The following RHBDF2 variants were observed in gnomAD, a reference collection of about 807,000 sequenced individuals.
RHBDF2 encodes rhomboid 5 homolog 2, also known as inactive rhomboid protein 2.
RHBDF2 carries 38 observed loss-of-function variants against 95.2 expected under a neutral mutation model. That is an observed-to-expected ratio of 0.40 (90% CI 0.31 to 0.52). The LOEUF (loss-of-function observed/expected upper bound fraction) is 0.52, where lower values mean the gene tolerates loss of function less well. Ranked by LOEUF, RHBDF2 falls within the 20% of genes least tolerant of loss-of-function variation. RHBDF2 has a pLI of 0.56. For synonymous variants in RHBDF2, 442 were observed against 462.0 expected (o/e 0.96, Z 0.55); for missense variants, 863 against 1,137.7 (o/e 0.76, Z 3.47).
rs751079223 is a variant in RHBDF2 at position 76,471,665 on chromosome 17, C to T, written c.2452G>A (p.Glu818Lys). ...AGCACCTGGTCCAGCTCATACTTCT[C>T]GCAGAAGCGGCTGGTGAAGGGGAAG... The part of the protein sequence containing the change: ...TCFPFTSRFC[E>K]KYELDQVLH The change falls in exon 19 of 19, where the codon GAG (glutamate) becomes AAG (lysine). Residue 818 changes from glutamate to lysine, a missense_variant. This residue lies in a region of RHBDF2 where 252 missense variants were observed against 412.2 expected (regional missense o/e 0.61). Coordinates refer to ENST00000675367, the MANE Select transcript of RHBDF2 (RefSeq NM_001005498.4). 7.5e-6 allele frequency: 12 copies of T among 1,608,510 alleles called. No homozygotes were observed. Among genetic ancestry groups the T allele is most frequent in the East Asian group, 6.7e-5 (3 of 44,720 alleles).
intron 2 of RHBDF2, among the ~76,000 whole-genome samples, chr17:76,485,943 G>T (rs905591793): frequency 6.6e-6 from 1 of 152,088 alleles, no homozygotes; most frequent in Admixed American, 6.6e-5. Flanking sequence ...GCAGGGTAGT[G>T]GTTCTTAGGA....
intron 18 of RHBDF2, 88 bp from the exon 19 acceptor site, chr17:76,472,140 T>A (rs1393364432): frequency 4.5e-6 from 6 of 1,330,388 alleles, no homozygotes; most frequent in Non-Finnish European, 6.0e-6. Context: ...ATCGATCAGC[T>A]CCTCCCTGGC....
At chr17:76,473,180 T>A in intron 16 of RHBDF2, 72 bp downstream of exon 16, 1 of 1,582,938 alleles carries the variant, frequency 6.3e-7, no homozygotes, top group Non-Finnish European at 8.7e-7. Context: ...AGGGAGTGCG[T>A]GAGCCCCGGC....
Position 76,480,007 on chromosome 17 carries a change from ATGTGTGTGTGTGTGTG to A in RHBDF2, c.151-169_151-154del, listed in dbSNP as rs138608987. The A allele has an allele frequency of 4.0e-4, 123 of 307,362 alleles. 1 individual carries two copies. Among genetic ancestry groups the A allele is most frequent in the Middle Eastern group, 1.3e-3 (2 of 1,490 alleles). 19.0% of individuals were successfully genotyped at this position (307,362 alleles called of 1,614,324 possible). A position where few individuals can be genotyped will look rare whatever the true frequency, so the allele number is the denominator to read the frequency against. Reference sequence around the variant, plus strand: ...TTTCATTTGGAAATATATATATATAATGTGTGTGTGTGTGTGTGTGTGTGTGTGTGTGTGTTTGTAT... The same window carrying A: ...TTTCATTTGGAAATATATATATATAATGTGTGTGTGTGTGTGTGTTTGTAT... On this transcript the variant is annotated intron_variant, in intron 3 of 18. Transcript: ENST00000675367.
chr17:76,474,203 GCAA>G, intron 12 of RHBDF2, 61 bp from the exon 13 acceptor site: 1 of 1,372,314 alleles, frequency 7.3e-7, no homozygotes, highest in Non-Finnish European at 1.0e-6. Context: ...ACTGGAGTGG[GCAA>G]GGACAGAGGC....
chr17:76,479,659 C>A, intron 4 of RHBDF2, 74 bp downstream of exon 4: 1 of 1,179,664 alleles, frequency 8.5e-7, no homozygotes, highest in East Asian at 2.4e-5. Context: ...GGACCAGGCC[C>A]AATCATGTCC....
At position 76,479,144 on chromosome 17, in the gene RHBDF2, G is replaced by T. The variant is rs1429449851; in HGVS notation, c.406C>A (p.Pro136Thr). The T allele has an allele frequency of 2.5e-6, 4 of 1,613,336 alleles. No individual in the cohort carries two copies. In the African/African-American group the frequency reaches 5.3e-5, roughly 22 times the overall value. ...KASCQRDLEL[P>T]SQEAPSFQGT... ...TGGAAGGACGGTGCCTCCTGGCTGG[G>T]GAGCTCCAGGTCACGCTGGCACGAG... is the stretch of plus-strand genomic sequence containing the variant. Residue 136 changes from proline to threonine, a missense_variant, in exon 5 of 19, where the codon CCC (proline) becomes ACC (threonine). Transcript: ENST00000675367.
At chr17:76,491,439 G>GT (rs1440502410) in intron 1 of RHBDF2, among the ~76,000 whole-genome samples, 1 of 152,144 alleles carries the variant, frequency 6.6e-6, no homozygotes. Context: ...AGTTGGGGGG[G>GT]GGTCCCGAAG....
At chr17:76,476,756 G>GGGGC in intron 9 of RHBDF2, 74 bp downstream of exon 9, 1 of 1,480,378 alleles carries the variant, frequency 6.8e-7, no homozygotes, top group Non-Finnish European at 8.9e-7. Context: ...AATGAGTAAG[G>GGGGC]GGGCGCTTCA....
intron 6 of RHBDF2, among the ~76,000 whole-genome samples, chr17:76,478,340 C>G (rs890888060): frequency 6.6e-6 from 1 of 152,210 alleles, no homozygotes; most frequent in Non-Finnish European, 1.5e-5. Context: ...CCCTAGTGAA[C>G]GTCTCCTTGT....
Position 76,471,571 on chromosome 17 carries a change from G to A in RHBDF2, c.*62C>T. 28 of 1,482,204 alleles carry A rather than the reference G, an allele frequency of 1.9e-5. No homozygotes were observed. The highest frequency in any genetic ancestry group is 2.5e-5 in the Non-Finnish European group (28 of 1,106,988). 91.8% of individuals were successfully genotyped at this position (1,482,204 alleles called of 1,614,324 possible). A position where few individuals can be genotyped will look rare whatever the true frequency, so the allele number is the denominator to read the frequency against. Reference sequence around the variant, plus strand: ...GGCACACAGAGAGCGCTCTGCAGAGGGCAGCCCTCGCAGGCAGACCCTGTT... The same window carrying A: ...GGCACACAGAGAGCGCTCTGCAGAGAGCAGCCCTCGCAGGCAGACCCTGTT... On this transcript the variant is annotated 3_prime_UTR_variant, in exon 19 of 19. Transcript: ENST00000675367.
In RHBDF2 at chr17:76,479,223, C is replaced by A. The variant is rs763124357; in HGVS notation, c.327G>T (p.Gln109His). The A allele has an allele frequency of 6.2e-5, 100 of 1,608,514 alleles. 2 individuals are homozygous for A. In the Middle Eastern group the frequency reaches 1.0e-3, roughly 17 times the overall value. Reference sequence around the variant, plus strand: ...AGTGGTGCAGGCTGCGGCGCTGCCACTGCTGCCGCTGCCCCTCCCAGTCGC... The same window carrying A: ...AGTGGTGCAGGCTGCGGCGCTGCCAATGCTGCCGCTGCCCCTCCCAGTCGC... ...VSGDWEGQRQ[Q>H]WQRRSLHHCS... The change falls in exon 5 of 19, where the codon CAG (glutamine) becomes CAT (histidine). Residue 109 changes from glutamine (Q) to histidine (H), a missense_variant. Around this residue, in one of 2 missense-constraint regions of RHBDF2, gnomAD observed 611 missense variants for 725.5 expected, o/e 0.84. Transcript: ENST00000675367.
chr17:76,489,906 G>T (rs1050808145), intron 1 of RHBDF2, among the ~76,000 whole-genome samples: 7 of 152,118 alleles, frequency 4.6e-5, no homozygotes, highest in Non-Finnish European at 1.0e-4. Flanking sequence ...TCCAGGGCCT[G>T]GAGGCTCCTA....
rs143442372 is a variant in RHBDF2 at position 76,474,886 on chromosome 17, T to C, written c.1228-82A>G. 3.9e-3 allele frequency: 6,031 copies of C among 1,565,270 alleles called. 10 individuals carry two copies. Among genetic ancestry groups the C allele is most frequent in the Non-Finnish European group, 4.9e-3 (5,669 of 1,146,376 alleles). On this transcript the variant is annotated intron_variant, in intron 10 of 18. Transcript: ENST00000675367. Reference sequence around the variant, plus strand: ...GGAGCTGGGGCAGCTGTCCCCAGGATAGAGCCTCCAGGAAGGGGCCAGGCT... The same window carrying C: ...GGAGCTGGGGCAGCTGTCCCCAGGACAGAGCCTCCAGGAAGGGGCCAGGCT...
In RHBDF2 at chr17:76,475,100, A is replaced by G. The variant is rs1360866838; in HGVS notation, c.1157T>C (p.Ile386Thr). The G allele has an allele frequency of 6.2e-6, 10 of 1,601,040 alleles. No individual in the cohort carries two copies. Among genetic ancestry groups the G allele is most frequent in the Admixed American group, 1.7e-5 (1 of 57,292 alleles). The change falls in exon 10 of 19, where the codon ATC becomes ACC. Residue 386 changes from isoleucine (I) to threonine (T), a missense_variant. Coordinates refer to ENST00000675367, the MANE Select transcript of RHBDF2 (RefSeq NM_001005498.4). ...TYWLTFVHVIITLLVICTYGI... is the reference protein window; with the variant it reads ...TYWLTFVHVITTLLVICTYGI... Reference sequence around the variant, plus strand: ...ATACGTGCAAATCACCAGCAGCGTGATGATGACATGGACGAAGGTCAGCCA... The same window carrying G: ...ATACGTGCAAATCACCAGCAGCGTGGTGATGACATGGACGAAGGTCAGCCA...
chr17:76,477,638 T>C lies in RHBDF2; in HGVS notation c.801+19A>G. 1 of 1,613,334 alleles carries C rather than the reference T, an allele frequency of 6.2e-7. No individual in the cohort carries two copies. Among genetic ancestry groups the C allele is most frequent in the East Asian group, 2.2e-5 (1 of 44,868 alleles). On this transcript the variant is annotated intron_variant, in intron 7 of 18. Transcript: ENST00000675367. ...AGGCCACCCCACCCAACTCCTGCTG[T>C]CCCACACCCCATGCTTGCCTTACTA...
At chr17:76,483,848 C>T (rs991579372) in intron 2 of RHBDF2, among the ~76,000 whole-genome samples, 2 of 152,204 alleles carry the variant, frequency 1.3e-5, no homozygotes, top group African/African-American at 4.8e-5. Flanking sequence ...CTGGGGCTTT[C>T]CTGTGCGTGT....
intron 1 of RHBDF2, among the ~76,000 whole-genome samples, chr17:76,497,427 G>T (rs2074454057): frequency 6.6e-6 from 1 of 152,184 alleles, no homozygotes; most frequent in Non-Finnish European, 1.5e-5. Context: ...AAGGCACTGA[G>T]GTCCCCCTAC....
chr17:76,471,486 G>C lies in RHBDF2; in HGVS notation c.*147C>G. The C allele has an allele frequency of 2.2e-6, 2 of 889,970 alleles. No individual in the cohort carries two copies. Among genetic ancestry groups the C allele is most frequent in the Non-Finnish European group, 3.4e-6 (2 of 596,804 alleles). 55.1% of individuals were successfully genotyped at this position (889,970 alleles called of 1,614,324 possible). On this transcript the variant is annotated 3_prime_UTR_variant, in exon 19 of 19. Coordinates refer to ENST00000675367, the MANE Select transcript of RHBDF2 (RefSeq NM_001005498.4). ...AACCATCTCACGCGGAGTCAGCCTC[G>C]CCTGGCAGGGGGGCACCCAGGTCCA... is the stretch of plus-strand genomic sequence containing the variant.
Sources: gnomAD v4.1 joint callset for allele counts (sites outside exome capture counted in the v4.1 genomes callset) on GRCh38, gnomAD v4.1.1 for gene constraint, gnomAD v4.1.1 regional missense constraint, MANE v1.5 for transcripts, NCBI Gene and HGNC (gene_info 2026-07-23, HGNC 2026-07-21) for gene names.